The following KLHL29 variants were observed in gnomAD, a reference collection of about 807,000 sequenced individuals.
The protein encoded by KLHL29 is kelch-like protein 29.
A neutral mutation model predicts 80.4 loss-of-function variants in KLHL29; 21 were observed. The observed-to-expected ratio is 0.26, with a 90% CI of 0.19 to 0.38. KLHL29 has a LOEUF of 0.38. Ranked by LOEUF, KLHL29 falls within the 10% of genes least tolerant of loss-of-function variation. KLHL29 has a pLI of 1.00. For missense variants in KLHL29, 867 were observed against 1,223.9 expected (o/e 0.71, Z 4.35); for synonymous variants, 511 against 526.8 (o/e 0.97, Z 0.41).
At chr2:23,586,873 G>C (rs190773074) in intron 3 of KLHL29, among the ~76,000 whole-genome samples, 1 of 152,302 alleles carries the variant, frequency 6.6e-6, no homozygotes, top group East Asian at 1.9e-4. Context: ...GCCAGTGTCT[G>C]ATTCCTCTCT....
intron 1 of KLHL29, among the ~76,000 whole-genome samples, chr2:23,424,025 G>A (rs958879309): frequency 6.6e-6 from 1 of 152,164 alleles, no homozygotes; most frequent in Admixed American, 6.5e-5. Flanking sequence ...ACAGCCCTGA[G>A]GTGCTGCCTC....
At chr2:23,572,932 C>T (rs994784231) in intron 3 of KLHL29, among the ~76,000 whole-genome samples, 22 of 152,236 alleles carry the variant, frequency 1.4e-4, no homozygotes, top group African/African-American at 5.1e-4. Context: ...TCGTGATCCG[C>T]CCGCCTCGGC....
intron 3 of KLHL29, among the ~76,000 whole-genome samples, chr2:23,573,069 G>A (rs1039668746): frequency 1.6e-3 from 6 of 3,686 alleles, no homozygotes; most frequent in African/African-American, 7.5e-3. Flanking sequence ...AGCCTCACGG[G>A]TTCGTAGTTG....
chr2:23,708,285 T>C lies in KLHL29; in HGVS notation c.*1621T>C, dbSNP rs986991454. On this transcript the variant is annotated 3_prime_UTR_variant, in exon 14 of 14. Coordinates refer to ENST00000486442, the MANE Select transcript of KLHL29 (RefSeq NM_052920.2). ...AAAAAGTAATAAGCACAAAACTACA[T>C]ACATTGTATGTCATTTAAAGTATTT... 2 of 152,236 alleles carry C rather than the reference T, an allele frequency of 1.3e-5. No individual in the cohort carries two copies. Among genetic ancestry groups the C allele is most frequent in the Non-Finnish European group, 2.9e-5 (2 of 68,040 alleles). The allele number at this position is 152,236 out of a possible 1,614,324, so 9.4% of individuals were successfully genotyped here. A position where few individuals can be genotyped will look rare whatever the true frequency, so the allele number is the denominator to read the frequency against.
intron 2 of KLHL29, chr2:23,524,300 C>A: frequency 5.0e-6 from 1 of 200,966 alleles, no homozygotes; most frequent in African/African-American, 2.3e-5. Context: ...TACAGAAGCA[C>A]AGGCGCCTGC....
chr2:23,483,702 G>A (rs1347520417), intron 2 of KLHL29, among the ~76,000 whole-genome samples: 1 of 152,106 alleles, frequency 6.6e-6, no homozygotes, highest in Admixed American at 6.5e-5. Context: ...CTAGGAGGTA[G>A]ACAAAAAGGG....
intron 3 of KLHL29, among the ~76,000 whole-genome samples, chr2:23,607,089 C>T (rs1286500815): frequency 6.6e-6 from 1 of 152,218 alleles, no homozygotes; most frequent in Non-Finnish European, 1.5e-5. Flanking sequence ...CTAATCACTT[C>T]CCTAAGGCTT....
chr2:23,606,224 G>A (rs1668725263), intron 3 of KLHL29, among the ~76,000 whole-genome samples: 2 of 151,990 alleles, frequency 1.3e-5, no homozygotes, highest in Admixed American at 6.6e-5. Context: ...GAGGCAGAGA[G>A]AGAGAGAAAG....
At chr2:23,615,865 C>T (rs1421672602) in intron 3 of KLHL29, among the ~76,000 whole-genome samples, 2 of 152,208 alleles carry the variant, frequency 1.3e-5, no homozygotes, top group Admixed American at 6.5e-5. Flanking sequence ...CCTTTCTCAT[C>T]AGCACAGCCA....
In KLHL29 at chr2:23,385,742, C is replaced by G. The variant is rs1296146190; in HGVS notation, c.-192C>G. The G allele has an allele frequency of 1.9e-5, 3 of 155,412 alleles. No homozygotes were observed. The highest frequency in any genetic ancestry group is 4.5e-5 in the Non-Finnish European group (3 of 66,736). 9.6% of individuals were successfully genotyped at this position (155,412 alleles called of 1,614,324 possible). A position where few individuals can be genotyped will look rare whatever the true frequency, so the allele number is the denominator to read the frequency against. On this transcript the variant is annotated 5_prime_UTR_variant, in exon 1 of 14. Coordinates refer to ENST00000486442, the MANE Select transcript of KLHL29 (RefSeq NM_052920.2). ...CTGCGCCCACCCGCGACCCCGGGCT[C>G]TCTGCGCGTCGGGCCGGGGCCGGAG...
chr2:23,629,858 A>AGAGG (rs1343774545), intron 3 of KLHL29, among the ~76,000 whole-genome samples: 1 of 152,168 alleles, frequency 6.6e-6, no homozygotes, highest in East Asian at 1.9e-4. Flanking sequence ...CAATCCTGAG[A>AGAGG]GAGGGAGAGA....
At chr2:23,440,358 C>T (rs1005096103) in intron 1 of KLHL29, among the ~76,000 whole-genome samples, 13 of 151,564 alleles carry the variant, frequency 8.6e-5, no homozygotes, top group African/African-American at 2.9e-4. Flanking sequence ...AACATTAGAC[C>T]TAAAACCATA....
chr2:23,512,633 C>T (rs574190533), intron 2 of KLHL29, among the ~76,000 whole-genome samples: 2 of 152,328 alleles, frequency 1.3e-5, no homozygotes, highest in Non-Finnish European at 2.9e-5. Context: ...CAAGATATCA[C>T]GGCTGTTCTC....
intron 2 of KLHL29, among the ~76,000 whole-genome samples, chr2:23,507,612 G>A (rs564164622): frequency 1.3e-5 from 2 of 152,188 alleles, no homozygotes; most frequent in Admixed American, 6.5e-5. Flanking sequence ...CTGCTCTTGA[G>A]TGTGACTTCA....
At chr2:23,519,489 G>A (rs1358306821) in intron 2 of KLHL29, among the ~76,000 whole-genome samples, 1 of 152,206 alleles carries the variant, frequency 6.6e-6, no homozygotes, top group African/African-American at 2.4e-5. Flanking sequence ...GCAGCAGAAT[G>A]AGGCTTGGGC....
intron 2 of KLHL29, among the ~76,000 whole-genome samples, chr2:23,556,108 T>A (rs889263446): frequency 6.6e-6 from 1 of 152,198 alleles, no homozygotes; most frequent in African/African-American, 2.4e-5. Flanking sequence ...TGAGGAGGTC[T>A]TCCACTTCCC....
chr2:23,691,894 A>AT lies in KLHL29; in HGVS notation c.1282+19dup. The AT allele has an allele frequency of 6.5e-7, 1 of 1,545,912 alleles. No individual in the cohort carries two copies. ...CTTTCTCGGTGAGCCCGGGGGCCAC[A>AT]TATGTCGCTTGGGGGGAAGAGTGCA... On this transcript the variant is annotated intron_variant, in intron 7 of 13. Coordinates refer to ENST00000486442, the MANE Select transcript of KLHL29 (RefSeq NM_052920.2).
chr2:23,520,289 C>T (rs759602959), intron 2 of KLHL29, among the ~76,000 whole-genome samples: 13 of 152,066 alleles, frequency 8.5e-5, no homozygotes, highest in Non-Finnish European at 1.5e-4. Context: ...TTGGCCTCTG[C>T]GCTTTCATGG....
At chr2:23,528,601 C>T (rs1666399467) in intron 2 of KLHL29, among the ~76,000 whole-genome samples, 1 of 152,116 alleles carries the variant, frequency 6.6e-6, no homozygotes, top group African/African-American at 2.4e-5. Flanking sequence ...TTCAGCCTCC[C>T]AAAATTACAA....
Sources: gnomAD v4.1 joint callset for allele counts (sites outside exome capture counted in the v4.1 genomes callset) on GRCh38, gnomAD v4.1.1 for gene constraint, MANE v1.5 for transcripts, NCBI Gene and HGNC (gene_info 2026-07-23, HGNC 2026-07-21) for gene names.